Variants in PTPN22 observed in about 807,000 individuals in gnomAD.
PTPN22 encodes the protein protein tyrosine phosphatase non-receptor type 22.
Under a neutral mutation model 103.3 loss-of-function variants are expected in PTPN22, and 85 were observed. That is an observed-to-expected ratio of 0.82 (90% CI 0.69 to 0.99). The LOEUF (loss-of-function observed/expected upper bound fraction) is 0.99. Among genes scored for constraint, PTPN22 ranks in the 50% least tolerant of loss-of-function variants. The pLI is 0.00. For missense variants in PTPN22, 865 were observed against 936.9 expected (o/e 0.92, Z 1.00); for synonymous variants, 323 against 310.2 (o/e 1.04, Z -0.43).
In PTPN22 at chr1:113,837,957, A is replaced by G. The variant is rs145866511; in HGVS notation, c.1443T>C (p.Phe481=). ...TTACTTTTTGAGCCTGCATCTCTAC[A>G]AAACAAGAATCATGTGGTTGAGATT... The change falls in exon 13 of 21, where the codon TTT becomes TTC. Residue 481 remains phenylalanine, a synonymous_variant. Coordinates refer to ENST00000359785, the Ensembl canonical transcript of PTPN22. The G allele has an allele frequency of 1.9e-5, 31 of 1,614,060 alleles. No individual in the cohort carries two copies. In the African/African-American group the frequency reaches 3.6e-4, roughly 19 times the overall value.
chr1:113,821,214 G>C (rs1405363605), intron 19 of PTPN22, among the ~76,000 whole-genome samples: 2 of 151,734 alleles, frequency 1.3e-5, no homozygotes, highest in African/African-American at 4.8e-5. Context: ...GGAGAATATT[G>C]TTTTTTTTAC....
chr1:113,823,178 G>C (rs1233504995), intron 19 of PTPN22: 2 of 152,134 alleles, frequency 1.3e-5, no homozygotes, highest in Non-Finnish European at 1.5e-5. Context: ...TATCTGTTCT[G>C]TTCACCATCA....
At chr1:113,829,824 G>A (rs1391879298) in intron 17 of PTPN22, 117 bp from the exon 18 acceptor site, 1 of 1,196,368 alleles carries the variant, frequency 8.4e-7, no homozygotes, top group East Asian at 2.4e-5. Flanking sequence ...TATATATTAG[G>A]GGCTTTTAAA....
intron 11 of PTPN22, among the ~76,000 whole-genome samples, chr1:113,839,280 G>T (rs780781597): frequency 7.2e-5 from 11 of 151,798 alleles, no homozygotes; most frequent in Non-Finnish European, 1.5e-4. Flanking sequence ...GGGCCTCGCT[G>T]TATTGCCCAG....
intron 2 of PTPN22, 63 bp downstream of exon 2, chr1:113,859,289 A>G: frequency 3.2e-6 from 5 of 1,560,584 alleles, no homozygotes; most frequent in Non-Finnish European, 4.4e-6. Flanking sequence ...CAATGGGTAC[A>G]AAGAGATAGT....
At chr1:113,830,002 G>A (rs147233796) in exon 17 of PTPN22, 2 of 1,606,716 alleles carry the variant, frequency 1.2e-6, no homozygotes, top group Admixed American at 3.3e-5. Context: ...GAGAGGAGGT[G>A]GGGGAGAAGA....
Position 113,839,212 on chromosome 1 carries a change from A to G in PTPN22, c.916-592T>C, listed in dbSNP as rs560885071. The stretch of plus-strand genomic sequence containing the variant: ...GAAACCTTCCCTGACCACCCAACCT[A>G]AAATCACATTTCTTCCCCTGTCCAG... On this transcript the variant is annotated intron_variant, in intron 11 of 20. Transcript: ENST00000359785. Among the ~76,000 whole-genome samples the G allele has an allele frequency of 5.3e-5, 8 of 152,196 alleles. No individual in the cohort carries two copies. In the South Asian group the frequency reaches 1.5e-3, roughly 28 times the overall value.
At chr1:113,859,516 A>G (rs1665385867) in intron 1 of PTPN22, 56 bp from the exon 2 acceptor site, 2 of 1,382,978 alleles carry the variant, frequency 1.4e-6, no homozygotes, top group Non-Finnish European at 2.0e-6. Flanking sequence ...GTAAGAAGCT[A>G]TCTCTAAAGA....
chr1:113,857,701 T>G (rs746871945), intron 5 of PTPN22, 37 bp downstream of exon 5: 18 of 1,586,102 alleles, frequency 1.1e-5, no homozygotes, highest in Non-Finnish European at 1.6e-5. Context: ...CTTCTTTCCT[T>G]TGTTTTAAGG....
At chr1:113,843,108 A>AAAAG (rs1553250189) in intron 11 of PTPN22, among the ~76,000 whole-genome samples, 1 of 146,088 alleles carries the variant, frequency 6.8e-6, no homozygotes, top group Non-Finnish European at 1.5e-5. Context: ...TCAAAAAAAA[A>AAAAG]AAAAAAGAAA....
intron 11 of PTPN22, among the ~76,000 whole-genome samples, chr1:113,840,700 T>G (rs1310658152): frequency 1.3e-5 from 2 of 152,120 alleles, no homozygotes; most frequent in South Asian, 2.1e-4. Flanking sequence ...AAGAGCAAAG[T>G]TGAATGACAC....
At chr1:113,837,681 G>A (rs555686405) in exon 13 of PTPN22, 2 of 1,601,184 alleles carry the variant, frequency 1.2e-6, no homozygotes, top group Admixed American at 3.3e-5. Context: ...AAGAGAAGAG[G>A]GATGTAGAGG....
At chr1:113,816,759 A>C (rs1293311317) in intron 20 of PTPN22, among the ~76,000 whole-genome samples, 1 of 152,040 alleles carries the variant, frequency 6.6e-6, no homozygotes, top group Non-Finnish European at 1.5e-5. Context: ...AAATACAAAA[A>C]TTAGCTGGGC....
chr1:113,858,643 C>CT (rs371112671), intron 3 of PTPN22, 70 bp from the exon 4 acceptor site: 74,475 of 693,842 alleles, frequency 0.11, 127 homozygotes, highest in South Asian at 0.13. Flanking sequence ...CCTCCGCTTC[C>CT]TTTTTTTTTT....
At chr1:113,850,627 T>C (rs960868306) in intron 10 of PTPN22, among the ~76,000 whole-genome samples, 1 of 152,198 alleles carries the variant, frequency 6.6e-6, no homozygotes, top group African/African-American at 2.4e-5. Flanking sequence ...CCCTCACAGG[T>C]TGAATATAGA....
At chr1:113,840,250 G>C (rs1663431506) in intron 11 of PTPN22, among the ~76,000 whole-genome samples, 1 of 150,732 alleles carries the variant, frequency 6.6e-6, no homozygotes, top group Admixed American at 6.6e-5. Flanking sequence ...GGAAAAAAAG[G>C]AAGTAAAATT....
At chr1:113,841,175 G>C (rs530998265) in intron 11 of PTPN22, among the ~76,000 whole-genome samples, 9 of 151,398 alleles carry the variant, frequency 5.9e-5, no homozygotes, top group Admixed American at 5.9e-4. Context: ...AGTGAGCCAA[G>C]ATCACGCCAT....
At chr1:113,844,605 A>T (rs1055564128) in intron 11 of PTPN22, among the ~76,000 whole-genome samples, 1 of 152,200 alleles carries the variant, frequency 6.6e-6, no homozygotes, top group African/African-American at 2.4e-5. Flanking sequence ...GGATGCACTT[A>T]GTGCTATAAA....
chr1:113,846,158 TCTG>T (rs990342179), intron 11 of PTPN22, among the ~76,000 whole-genome samples: 1 of 152,218 alleles, frequency 6.6e-6, no homozygotes, highest in Non-Finnish European at 1.5e-5. Flanking sequence ...CAAGTTTCAT[TCTG>T]CTATTTTATT....
Sources: gnomAD v4.1 joint callset for allele counts (sites outside exome capture counted in the v4.1 genomes callset) on GRCh38, gnomAD v4.1.1 for gene constraint, MANE v1.5 for transcripts, NCBI Gene and HGNC (gene_info 2026-07-23, HGNC 2026-07-21) for gene names.